GRM7: variants seen among roughly 807,000 people sequenced by gnomAD.
GRM7 encodes glutamate metabotropic receptor 7, also known as metabotropic glutamate receptor 7.
A neutral mutation model predicts 84.5 loss-of-function variants in GRM7; 35 were observed. The observed-to-expected ratio is 0.41, with a 90% CI of 0.32 to 0.55. The LOEUF (loss-of-function observed/expected upper bound fraction) is 0.55, where lower values mean the gene tolerates loss of function less well. Among genes scored for constraint, GRM7 ranks in the 20% least tolerant of loss-of-function variants. The probability of loss-of-function intolerance (pLI) is 0.19; values close to 1 mark genes in which losing one functional copy is unlikely to be tolerated. For synonymous variants in GRM7, 487 were observed against 455.1 expected (o/e 1.07, Z -0.89); for missense variants, 1,003 against 1,194.6 (o/e 0.84, Z 2.36).
intron 1 of GRM7, among the ~76,000 whole-genome samples, chr3:7,053,642 G>C (rs1400353481): frequency 6.6e-6 from 1 of 151,244 alleles, no homozygotes; most frequent in Non-Finnish European, 1.5e-5. Context: ...TCCTTGTTTT[G>C]GTTGATTGCC....
intron 8 of GRM7, among the ~76,000 whole-genome samples, chr3:7,673,001 G>A (rs1346522625): frequency 1.3e-5 from 2 of 152,114 alleles, no homozygotes; most frequent in Admixed American, 6.5e-5. Context: ...ATTTTAAAAT[G>A]TATTAAGATT....
At chr3:7,398,686 G>A (rs144352716) in intron 4 of GRM7, among the ~76,000 whole-genome samples, 376 of 152,024 alleles carry the variant, frequency 2.5e-3, no homozygotes, top group African/African-American at 8.5e-3. Flanking sequence ...GGTGTTGGGG[G>A]GATCAGTGCA....
chr3:6,882,167 T>C, intron 1 of GRM7, among the ~76,000 whole-genome samples: 1 of 152,098 alleles, frequency 6.6e-6, no homozygotes, highest in East Asian at 1.9e-4. Flanking sequence ...ACCCTAACAG[T>C]TTTACTCTGT....
intron 2 of GRM7, among the ~76,000 whole-genome samples, chr3:7,228,757 T>G (rs1187384379): frequency 1.3e-5 from 2 of 152,088 alleles, no homozygotes; most frequent in African/African-American, 2.4e-5. Context: ...CTACCAGAGG[T>G]GGGATATTGG....
intron 2 of GRM7, among the ~76,000 whole-genome samples, chr3:7,153,208 G>A (rs1397317589): frequency 1.3e-5 from 1 of 78,242 alleles, no homozygotes; most frequent in African/African-American, 5.0e-5. Flanking sequence ...TTCTGATTTT[G>A]TTTCCCTGGC....
At chr3:7,304,228 T>G (rs1341955888) in intron 3 of GRM7, among the ~76,000 whole-genome samples, 1 of 151,542 alleles carries the variant, frequency 6.6e-6, no homozygotes, top group Non-Finnish European at 1.5e-5. Context: ...GTATTGAGAT[T>G]CTTTGTGTGT....
At chr3:7,193,665 CCTCT>C (rs139151825) in intron 2 of GRM7, among the ~76,000 whole-genome samples, 2 of 150,042 alleles carry the variant, frequency 1.3e-5, no homozygotes, top group Non-Finnish European at 3.0e-5. Flanking sequence ...ATTTCTCTTT[CCTCT>C]CTCTCTCTCT....
intron 8 of GRM7, among the ~76,000 whole-genome samples, chr3:7,654,634 A>G (rs960290892): frequency 6.6e-6 from 1 of 152,220 alleles, no homozygotes; most frequent in African/African-American, 2.4e-5. Context: ...CAGCTTCTCC[A>G]CTAATCAGCT....
chr3:7,143,224 A>T (rs1485287010), intron 1 of GRM7, among the ~76,000 whole-genome samples: 1 of 152,168 alleles, frequency 6.6e-6, no homozygotes, highest in Non-Finnish European at 1.5e-5. Flanking sequence ...CAAAATAATA[A>T]CTATGTAGGC....
chr3:7,287,167 A>G (rs1443265852), intron 2 of GRM7, among the ~76,000 whole-genome samples: 1 of 152,170 alleles, frequency 6.6e-6, no homozygotes, highest in Non-Finnish European at 1.5e-5. Flanking sequence ...GCAAATAAGT[A>G]TACTAACGTC....
At chr3:7,600,356 G>C (rs747817231) in intron 8 of GRM7, among the ~76,000 whole-genome samples, 2 of 152,088 alleles carry the variant, frequency 1.3e-5, no homozygotes, top group Non-Finnish European at 2.9e-5. Flanking sequence ...TTAGATCCCA[G>C]GGGTTGAGGT....
intron 4 of GRM7, among the ~76,000 whole-genome samples, chr3:7,355,727 A>G (rs1372966208): frequency 1.3e-5 from 2 of 152,034 alleles, no homozygotes; most frequent in African/African-American, 4.8e-5. Flanking sequence ...TCCATCATCA[A>G]ATGGAAGTCG....
intron 7 of GRM7, among the ~76,000 whole-genome samples, chr3:7,466,362 G>A (rs959499135): frequency 6.6e-6 from 1 of 152,126 alleles, no homozygotes; most frequent in African/African-American, 2.4e-5. Context: ...TCTTTTGAAG[G>A]TTAAGTAGTA....
intron 1 of GRM7, among the ~76,000 whole-genome samples, chr3:6,899,873 T>C (rs1299483860): frequency 1.3e-5 from 2 of 152,148 alleles, no homozygotes; most frequent in African/African-American, 4.8e-5. Context: ...TTATCCAAGG[T>C]CACACATTTA....
intron 4 of GRM7, among the ~76,000 whole-genome samples, chr3:7,334,876 T>C (rs1252425577): frequency 2.0e-5 from 3 of 152,040 alleles, no homozygotes; most frequent in Non-Finnish European, 4.4e-5. Context: ...GACATAAATA[T>C]ATATGCACCT....
At chr3:7,564,436 C>T (rs1694166629) in intron 7 of GRM7, among the ~76,000 whole-genome samples, 1 of 152,066 alleles carries the variant, frequency 6.6e-6, no homozygotes, top group African/African-American at 2.4e-5. Flanking sequence ...ATTATCTAGT[C>T]CATCAAAACA....
intron 4 of GRM7, among the ~76,000 whole-genome samples, chr3:7,384,749 A>G (rs928762393): frequency 6.6e-6 from 1 of 152,204 alleles, no homozygotes; most frequent in African/African-American, 2.4e-5. Context: ...CGAATACAGC[A>G]GGTGTACACA....
chr3:7,441,734 A>G (rs1335968425), intron 5 of GRM7, among the ~76,000 whole-genome samples: 1 of 152,014 alleles, frequency 6.6e-6, no homozygotes, highest in Non-Finnish European at 1.5e-5. Context: ...TTATTGAGTG[A>G]ATCCTTTTCC....
chr3:7,115,139 T>G (rs1692987627), intron 1 of GRM7, among the ~76,000 whole-genome samples: 2 of 152,164 alleles, frequency 1.3e-5, no homozygotes, highest in Admixed American at 1.3e-4. Context: ...TTATCTAAGG[T>G]CAGATGGCTA....
Sources: allele counts gnomAD v4.1 joint callset (sites outside exome capture counted in the v4.1 genomes callset), GRCh38; gene constraint gnomAD v4.1.1; transcripts MANE v1.5; gene names NCBI Gene and HGNC (gene_info 2026-07-23, HGNC 2026-07-21).